The following PRKN variants were observed in gnomAD, a reference collection of about 807,000 sequenced individuals.
PRKN encodes the protein E3 ubiquitin-protein ligase parkin.
A neutral mutation model predicts 59.5 loss-of-function variants in PRKN; 56 were observed. That is an observed-to-expected ratio of 0.94 (90% confidence interval 0.76 to 1.18). PRKN has a LOEUF of 1.18. Ranked by LOEUF, PRKN falls within the 50% of genes most tolerant of loss-of-function variation. The pLI is 0.00. For missense variants in PRKN, 657 were observed against 596.4 expected (o/e 1.10, Z -1.06); for synonymous variants, 250 against 222.1 (o/e 1.13, Z -1.12).
intron 1 of PRKN, among the ~76,000 whole-genome samples, chr6:162,639,079 C>T (rs1263982064): frequency 6.6e-6 from 1 of 152,134 alleles, no homozygotes; most frequent in African/African-American, 2.4e-5. Flanking sequence ...CTGTGTCTTG[C>T]TACTTCACAT....
chr6:162,598,607 C>T (rs964352346), intron 1 of PRKN, among the ~76,000 whole-genome samples: 8 of 152,066 alleles, frequency 5.3e-5, no homozygotes, highest in African/African-American at 1.9e-4. Context: ...AAACCCAGAA[C>T]TTTGGGAGGT....
intron 3 of PRKN, among the ~76,000 whole-genome samples, chr6:162,213,945 A>G (rs1777524335): frequency 6.6e-6 from 1 of 151,510 alleles, no homozygotes; most frequent in Non-Finnish European, 1.5e-5. Flanking sequence ...CTTTCCCATG[A>G]TCCTGTGTTC....
intron 1 of PRKN, among the ~76,000 whole-genome samples, chr6:162,541,675 T>G (rs997162761): frequency 6.6e-6 from 1 of 152,204 alleles, no homozygotes; most frequent in Non-Finnish European, 1.5e-5. Context: ...CCCTGATAGT[T>G]TGGCATCCCT....
chr6:162,074,932 A>AT lies in PRKN; in HGVS notation c.535-20759dup, dbSNP rs575118601. On this transcript the variant is annotated intron_variant, in intron 4 of 11. Transcript: ENST00000366898. ...GGATAGCAGAATTGAAACAGCAGTG[A>AT]TTTTTTTTGTTGTTCCGTTTCATAG... 9.2e-5 allele frequency among the ~76,000 whole-genome samples: 14 copies of AT among 152,188 alleles called. 1 individual carries two copies. The South Asian group carries it at 1.9e-3, about 20-fold the overall frequency.
chr6:162,495,588 A>C (rs1238452860), intron 1 of PRKN, among the ~76,000 whole-genome samples: 1 of 152,162 alleles, frequency 6.6e-6, no homozygotes, highest in Admixed American at 6.5e-5. Flanking sequence ...ACACACTTCA[A>C]AGCCAGATCT....
chr6:162,363,716 A>G (rs1370654091), intron 2 of PRKN, among the ~76,000 whole-genome samples: 1 of 152,238 alleles, frequency 6.6e-6, no homozygotes, highest in African/African-American at 2.4e-5. Context: ...ATTATATGCT[A>G]TTAGATATTG....
At chr6:162,349,811 T>C (rs114054422) in intron 2 of PRKN, among the ~76,000 whole-genome samples, 1,803 of 152,276 alleles carry the variant, frequency 0.012, 33 homozygotes, top group African/African-American at 0.041. Context: ...TCTGCTCTTA[T>C]CAGTTCTATT....
chr6:161,988,243 T>C (rs113623302), intron 5 of PRKN, among the ~76,000 whole-genome samples: 3,363 of 152,194 alleles, frequency 0.022, 129 homozygotes, highest in African/African-American at 0.077. Flanking sequence ...TGCCAGCACT[T>C]TGGGAGGCCG....
intron 1 of PRKN, among the ~76,000 whole-genome samples, chr6:162,706,292 C>G (rs1045352370): frequency 6.6e-6 from 1 of 152,128 alleles, no homozygotes; most frequent in Non-Finnish European, 1.5e-5. Context: ...GGCCAACAGG[C>G]GCACTGCATG....
chr6:162,066,160 T>C (rs1046959032), intron 4 of PRKN, among the ~76,000 whole-genome samples: 9 of 152,168 alleles, frequency 5.9e-5, no homozygotes, highest in Admixed American at 1.3e-4. Context: ...TCTTCCACAA[T>C]GGTTGAACTA....
intron 7 of PRKN, among the ~76,000 whole-genome samples, chr6:161,625,009 T>C (rs1783033674): frequency 6.6e-6 from 1 of 152,206 alleles, no homozygotes; most frequent in Non-Finnish European, 1.5e-5. Flanking sequence ...TAGAATACAT[T>C]ATGCCATTCA....
chr6:161,785,972 T>C, intron 6 of PRKN, 64 bp from the exon 7 acceptor site: 3 of 1,546,164 alleles, frequency 1.9e-6, no homozygotes, highest in Non-Finnish European at 2.7e-6. Context: ...GCACGTGCTT[T>C]AGACCAATTT....
chr6:161,632,734 T>C (rs1236956368), intron 7 of PRKN, among the ~76,000 whole-genome samples: 1 of 152,152 alleles, frequency 6.6e-6, no homozygotes, highest in Admixed American at 6.5e-5. Context: ...CTTACAATCA[T>C]GGCAGAAGGG....
At chr6:162,703,869 A>G (rs1778245550) in intron 1 of PRKN, among the ~76,000 whole-genome samples, 1 of 152,142 alleles carries the variant, frequency 6.6e-6, no homozygotes. Flanking sequence ...TTATTCCTTT[A>G]TCAGTTCAAT....
In PRKN at chr6:162,128,204, G is replaced by A. The variant is rs114519590; in HGVS notation, c.534+72927C>T. On this transcript the variant is annotated intron_variant, in intron 4 of 11. Coordinates refer to ENST00000366898, the MANE Select transcript of PRKN (RefSeq NM_004562.3). ...TCTTCTGTTCACAACAGCATTGCCA[G>A]TACCTTACTCAATGCCTATCACATA... Among the ~76,000 whole-genome samples the A allele has an allele frequency of 5.9e-5, 9 of 152,312 alleles. No homozygotes were observed. In the East Asian group the frequency reaches 1.5e-3, roughly 26 times the overall value.
intron 2 of PRKN, chr6:162,264,727 C>T (rs931238906): frequency 3.3e-5 from 5 of 152,280 alleles, no homozygotes; most frequent in Non-Finnish European, 2.9e-5. Context: ...AAGTGCTCCC[C>T]TGCATGACTT....
intron 2 of PRKN, among the ~76,000 whole-genome samples, chr6:162,371,948 T>C (rs140726935): frequency 5.9e-5 from 9 of 152,142 alleles, no homozygotes; most frequent in African/African-American, 7.2e-5. Context: ...AAGGGCATGA[T>C]TGGCAGATTA....
chr6:162,665,297 C>A (rs966090769), intron 1 of PRKN, among the ~76,000 whole-genome samples: 2 of 151,944 alleles, frequency 1.3e-5, no homozygotes, highest in Non-Finnish European at 2.9e-5. Context: ...TTATCTCAGC[C>A]CAAAAACTTC....
rs115261263 is a variant in PRKN, at chr6:161,657,008, G to A, written c.872-87592C>T. ...CAACAGATTCTCCAAAAAATATTTG[G>A]TTACTGACTCACCAATCTGTATCAC... On this transcript the variant is annotated intron_variant, in intron 7 of 11. Transcript: ENST00000366898. 3.8e-3 allele frequency among the ~76,000 whole-genome samples: 580 copies of A among 152,250 alleles called. 5 individuals carry two copies. Among genetic ancestry groups the A allele is most frequent in the African/African-American group, 0.013 (550 of 41,540 alleles).
Sources: gnomAD v4.1 joint callset for allele counts (sites outside exome capture counted in the v4.1 genomes callset) on GRCh38, gnomAD v4.1.1 for gene constraint, MANE v1.5 for transcripts, NCBI Gene and HGNC (gene_info 2026-07-23, HGNC 2026-07-21) for gene names.